The following PRSS48 variants were observed in gnomAD, a reference collection of about 807,000 sequenced individuals.
PRSS48 encodes epidermis-specific serine protease-like protein.
In PRSS48, 21 loss-of-function variants were observed where a neutral mutation model predicts 25.6. The ratio of observed to expected loss-of-function variants is 0.82; its 90% CI spans 0.58 to 1.18. The LOEUF (loss-of-function observed/expected upper bound fraction) is 1.18. PRSS48 is among the 50% of genes most tolerant of loss of function. PRSS48 has a pLI of 0.00. For synonymous variants in PRSS48, 150 were observed against 149.3 expected (o/e 1.00, Z -0.04); for missense variants, 373 against 399.3 (o/e 0.93, Z 0.56).
At chr4:151,282,206 A>C (rs748779147) in exon 3 of PRSS48, 50 of 1,613,834 alleles carry the variant, frequency 3.1e-5, no homozygotes, top group Non-Finnish European at 4.2e-5. Flanking sequence ...AGGTGACTCA[A>C]GGAAACGTGT....
chr4:151,290,009 CAG>C (rs1775169299), intron 4 of PRSS48, among the ~76,000 whole-genome samples: 1 of 152,172 alleles, frequency 6.6e-6, no homozygotes. Context: ...GGTTGAAGTG[CAG>C]TGGTAGGATC....
chr4:151,280,169 T>C (rs1774075902), intron 2 of PRSS48, among the ~76,000 whole-genome samples: 1 of 69,534 alleles, frequency 1.4e-5, no homozygotes, highest in African/African-American at 3.4e-5. Context: ...TTAAAGACTT[T>C]TCTTATTTTT....
rs779996281 is a variant in PRSS48, at chr4:151,279,940, C to G, written c.197C>G (p.Ala66Gly). 3.1e-5 allele frequency: 50 copies of G among 1,609,232 alleles called. No homozygotes were observed. The highest frequency in any genetic ancestry group is 4.2e-5 in the Non-Finnish European group (50 of 1,177,808). ...GTCAGTGAGAGGTTGATACTGACAG[C>G]AGCACACTGCATACAACCGTGAGTT... The change falls in exon 2 of 5, where the codon GCA (alanine) becomes GGA (glycine). Residue 66 changes from alanine (A) to glycine (G), a missense_variant. Coordinates refer to ENST00000455694, the Ensembl canonical transcript of PRSS48.
At position 151,282,769 on chromosome 4, in the gene PRSS48, T is replaced by C. The variant is rs186531854; in HGVS notation, c.482-348T>C. Among the ~76,000 whole-genome samples the C allele has an allele frequency of 2.6e-3, 389 of 151,220 alleles. 1 individual carries two copies. Among genetic ancestry groups the C allele is most frequent in the Non-Finnish European group, 4.1e-3 (282 of 68,008 alleles). On this transcript the variant is annotated intron_variant, in intron 3 of 4. Coordinates refer to ENST00000455694, the Ensembl canonical transcript of PRSS48. ...ACGTCAACTCTTTCCCAGGTTGGAGTAGACACAAGACAAGAACTGATCTAG... is the reference window on the plus strand; with the variant it reads ...ACGTCAACTCTTTCCCAGGTTGGAGCAGACACAAGACAAGAACTGATCTAG...
chr4:151,277,266 T>G (rs762226118), intron 1 of PRSS48, 42 bp downstream of exon 1: 2 of 1,437,222 alleles, frequency 1.4e-6, no homozygotes, highest in African/African-American at 2.9e-5. Flanking sequence ...GGCAGAGGAT[T>G]TTTACTAAAG....
downstream of PRSS48, chr4:151,291,531 T>G (rs1229666311): frequency 1.9e-6 from 2 of 1,030,610 alleles, no homozygotes; most frequent in African/African-American, 3.2e-5. Flanking sequence ...GTTTTTGATT[T>G]TGGAAGTTTT....
chr4:151,287,873 CCTCT>C (rs1372534525), intron 4 of PRSS48, among the ~76,000 whole-genome samples: 1 of 151,976 alleles, frequency 6.6e-6, no homozygotes, highest in African/African-American at 2.4e-5. Flanking sequence ...AAGTGAGACC[CCTCT>C]CTCTTTTTTT....
At chr4:151,287,980 T>A (rs1400006100) in intron 4 of PRSS48, among the ~76,000 whole-genome samples, 1 of 152,022 alleles carries the variant, frequency 6.6e-6, no homozygotes, top group East Asian at 1.9e-4. Context: ...CAGAAATCAA[T>A]CAATGTTAAT....
chr4:151,289,313 T>C (rs1272021370), intron 4 of PRSS48, among the ~76,000 whole-genome samples: 1 of 152,184 alleles, frequency 6.6e-6, no homozygotes, highest in Non-Finnish European at 1.5e-5. Context: ...CTTTGTGACC[T>C]TGATTAGGCA....
intron 4 of PRSS48, among the ~76,000 whole-genome samples, chr4:151,287,228 C>T (rs942463203): frequency 6.7e-6 from 1 of 150,280 alleles, no homozygotes; most frequent in Non-Finnish European, 1.5e-5. Context: ...GTAATCCCAG[C>T]TACTGAGGAG....
At chr4:151,286,174 C>A in intron 4 of PRSS48, among the ~76,000 whole-genome samples, 1 of 109,910 alleles carries the variant, frequency 9.1e-6, no homozygotes, top group Non-Finnish European at 1.8e-5. Context: ...CAGTGAGACC[C>A]TGTCTTAAAG....
At chr4:151,283,325 G>C in intron 4 of PRSS48, 39 bp downstream of exon 4, 1 of 1,596,508 alleles carries the variant, frequency 6.3e-7, no homozygotes, top group East Asian at 2.2e-5. Flanking sequence ...TTAAACATGA[G>C]ATCTTAATTT....
intron 4 of PRSS48, among the ~76,000 whole-genome samples, chr4:151,287,203 T>C (rs1774885647): frequency 6.6e-6 from 1 of 150,968 alleles, no homozygotes; most frequent in African/African-American, 2.4e-5. Context: ...TAGCTGGGTG[T>C]GGTGGCTCAT....
intron 4 of PRSS48, among the ~76,000 whole-genome samples, chr4:151,290,375 A>C (rs1041122136): frequency 1.3e-5 from 2 of 152,230 alleles, no homozygotes; most frequent in Non-Finnish European, 2.9e-5. Context: ...AAAGGAGTGG[A>C]GTACTGATAC....
At chr4:151,277,538 G>A (rs887910463) in intron 1 of PRSS48, among the ~76,000 whole-genome samples, 1 of 152,144 alleles carries the variant, frequency 6.6e-6, no homozygotes, top group African/African-American at 2.4e-5. Flanking sequence ...AAGTACAGGG[G>A]CAGGAGTGTT....
At chr4:151,281,717 A>G (rs1274638903) in intron 2 of PRSS48, among the ~76,000 whole-genome samples, 1 of 152,126 alleles carries the variant, frequency 6.6e-6, no homozygotes, top group African/African-American at 2.4e-5. Flanking sequence ...TTATCAAATT[A>G]CCTGGCATTT....
exon 3 of PRSS48, chr4:151,282,355 G>A (rs1046583963): frequency 3.1e-6 from 5 of 1,613,812 alleles, no homozygotes; most frequent in Non-Finnish European, 4.2e-6. Context: ...TCACAAAGCA[G>A]TTGGCAATTC....
chr4:151,283,618 A>G (rs751304135), intron 4 of PRSS48, among the ~76,000 whole-genome samples: 1 of 151,014 alleles, frequency 6.6e-6, no homozygotes, highest in East Asian at 2.0e-4. Flanking sequence ...CCTGGGTTCA[A>G]TCAGTCATCC....
At chr4:151,290,134 G>C (rs1365634283) in intron 4 of PRSS48, among the ~76,000 whole-genome samples, 1 of 152,174 alleles carries the variant, frequency 6.6e-6, no homozygotes, top group African/African-American at 2.4e-5. Context: ...TTGTTTTGAA[G>C]AGACAGGGTT....
Sources: allele counts gnomAD v4.1 joint callset (sites outside exome capture counted in the v4.1 genomes callset), GRCh38; gene constraint gnomAD v4.1.1; transcripts MANE v1.5; gene names NCBI Gene and HGNC (gene_info 2026-07-23, HGNC 2026-07-21).